Variants in CATSPER3 observed in about 807,000 individuals in gnomAD.
CATSPER3 encodes cation channel sperm-associated protein 3.
In CATSPER3, 23 loss-of-function variants were observed where a neutral mutation model predicts 36.6. That is an observed-to-expected ratio of 0.63 (90% CI 0.45 to 0.89). The LOEUF is 0.89. CATSPER3 is among the 40% of genes least tolerant of loss of function. The pLI, the probability that CATSPER3 is intolerant of heterozygous loss-of-function variation, is 0.00. For missense variants in CATSPER3, 474 were observed against 503.9 expected (o/e 0.94, Z 0.57); for synonymous variants, 172 against 184.1 (o/e 0.93, Z 0.53).
At chr5:134,976,734 C>T (rs1215919095) in intron 2 of CATSPER3, among the ~76,000 whole-genome samples, 1 of 152,260 alleles carries the variant, frequency 6.6e-6, no homozygotes, top group African/African-American at 2.4e-5. Flanking sequence ...TCTGCCTGGA[C>T]ACCTGGGCTT....
intron 2 of CATSPER3, among the ~76,000 whole-genome samples, chr5:134,980,297 CT>C (rs1265800570): frequency 1.3e-5 from 2 of 149,480 alleles, no homozygotes; most frequent in African/African-American, 4.9e-5. Context: ...TCTTCCTTTC[CT>C]TTTTCTCTCC....
At chr5:135,010,206 G>T (rs187008705) in intron 6 of CATSPER3, among the ~76,000 whole-genome samples, 167 bp from the exon 7 acceptor site, 2 of 152,210 alleles carry the variant, frequency 1.3e-5, no homozygotes. Context: ...TCACCCCGGA[G>T]TCCAGGTTCA....
At chr5:134,987,189 T>TA (rs1177956289) in intron 2 of CATSPER3, among the ~76,000 whole-genome samples, 1 of 152,128 alleles carries the variant, frequency 6.6e-6, no homozygotes, top group Non-Finnish European at 1.5e-5. Context: ...CTACTGATCT[T>TA]ATAGAAGCAA....
intron 2 of CATSPER3, among the ~76,000 whole-genome samples, chr5:134,973,611 C>G (rs1413939972): frequency 6.6e-6 from 1 of 152,166 alleles, no homozygotes; most frequent in Admixed American, 6.5e-5. Flanking sequence ...CTATCAAAGA[C>G]TACTGGGGTC....
rs1751908394 is a variant in CATSPER3, at chr5:134,993,587, G to A, written c.253-2686G>A. Among the ~76,000 whole-genome samples, 3 of 152,124 alleles carry A rather than the reference G, an allele frequency of 2.0e-5. No individual in the cohort carries two copies. The South Asian group carries it at 6.2e-4, about 32-fold the overall frequency. ...AAGCCCTAAATTAGGAATTAAAAAG[G>A]GAAGTACAGATACGGTAGATATCAG... is the stretch of plus-strand genomic sequence containing the variant. On this transcript the variant is annotated intron_variant, in intron 2 of 7. Transcript: ENST00000282611.
At chr5:134,984,160 A>G (rs775352003) in intron 2 of CATSPER3, among the ~76,000 whole-genome samples, 10 of 152,214 alleles carry the variant, frequency 6.6e-5, no homozygotes, top group Non-Finnish European at 5.9e-5. Flanking sequence ...ACTTACATCT[A>G]ACACCTGAAA....
At chr5:135,001,414 T>G (rs1752018660) in intron 3 of CATSPER3, among the ~76,000 whole-genome samples, 1 of 152,220 alleles carries the variant, frequency 6.6e-6, no homozygotes, top group Non-Finnish European at 1.5e-5. Flanking sequence ...GAATGTATAT[T>G]CTGTTGATTT....
intron 2 of CATSPER3, among the ~76,000 whole-genome samples, chr5:134,988,590 C>T (rs1434949953): frequency 1.3e-5 from 2 of 152,162 alleles, no homozygotes; most frequent in South Asian, 2.1e-4. Flanking sequence ...CTTTGCTCAC[C>T]CATGAAAAGC....
intron 2 of CATSPER3, among the ~76,000 whole-genome samples, chr5:134,976,287 C>G (rs954694276): frequency 3.3e-5 from 5 of 152,170 alleles, no homozygotes; most frequent in African/African-American, 7.2e-5. Flanking sequence ...CACCTCTGCA[C>G]TCCAGCCTGG....
chr5:135,002,602 A>G (rs1036698896), intron 3 of CATSPER3, among the ~76,000 whole-genome samples: 4 of 152,228 alleles, frequency 2.6e-5, no homozygotes, highest in South Asian at 2.1e-4. Flanking sequence ...AGGTACACCA[A>G]TCAGACATAG....
At position 135,010,325 on chromosome 5, in the gene CATSPER3, G is replaced by A. The variant is rs373002398; in HGVS notation, c.937-48G>A. On this transcript the variant is annotated intron_variant, in intron 6 of 7. Coordinates refer to ENST00000282611, the MANE Select transcript of CATSPER3 (RefSeq NM_178019.3). ...GAGTCTCCATGTCTCTGTGCAGCTC[G>A]GCTGTCACCTCCTCATCACTGCTCT... is the stretch of plus-strand genomic sequence containing the variant. The A allele has an allele frequency of 2.2e-5, 35 of 1,557,960 alleles. No homozygotes were observed. The African/African-American group carries it at 3.5e-4, about 16-fold the overall frequency.
intron 2 of CATSPER3, among the ~76,000 whole-genome samples, chr5:134,986,126 T>C (rs1751805591): frequency 6.6e-6 from 1 of 151,516 alleles, no homozygotes; most frequent in Admixed American, 6.6e-5. Flanking sequence ...TTCAAATATG[T>C]GTAAATTAAA....
chr5:134,979,647 G>A (rs1751724186), intron 2 of CATSPER3, among the ~76,000 whole-genome samples: 1 of 152,234 alleles, frequency 6.6e-6, no homozygotes, highest in African/African-American at 2.4e-5. Flanking sequence ...ATACTGAAGT[G>A]TAGGAAGAAA....
At chr5:134,992,359 G>A (rs375531421) in intron 2 of CATSPER3, among the ~76,000 whole-genome samples, 64 of 152,124 alleles carry the variant, frequency 4.2e-4, no homozygotes, top group East Asian at 2.5e-3. Context: ...ATCACTAGTC[G>A]TTAGGGAAAT....
intron 2 of CATSPER3, among the ~76,000 whole-genome samples, chr5:134,990,891 A>G (rs1189299973): frequency 3.3e-5 from 5 of 152,250 alleles, no homozygotes; most frequent in Non-Finnish European, 7.3e-5. Flanking sequence ...GAGGTATTAA[A>G]CAAATTCAGC....
chr5:134,975,178 C>G (rs1271243975), intron 2 of CATSPER3: 1 of 151,944 alleles, frequency 6.6e-6, no homozygotes, highest in East Asian at 1.9e-4. Flanking sequence ...TATGAAAGCC[C>G]CTGGTTAACT....
chr5:134,980,045 G>A (rs747525441), intron 2 of CATSPER3, among the ~76,000 whole-genome samples: 1 of 150,324 alleles, frequency 6.7e-6, no homozygotes, highest in Non-Finnish European at 1.5e-5. Context: ...GAAGTGACAT[G>A]ATCATAGCTC....
chr5:135,000,764 A>G (rs1256025795), intron 3 of CATSPER3, among the ~76,000 whole-genome samples: 1 of 152,154 alleles, frequency 6.6e-6, no homozygotes, highest in African/African-American at 2.4e-5. Flanking sequence ...ATTGGTGGTG[A>G]TAACCCCTTT....
chr5:134,984,286 G>A (rs1362877463), intron 2 of CATSPER3, among the ~76,000 whole-genome samples: 3 of 152,216 alleles, frequency 2.0e-5, no homozygotes, highest in Non-Finnish European at 2.9e-5. Context: ...AATGGGACCC[G>A]ATTCAACTAA....
Sources: allele counts gnomAD v4.1 joint callset (sites outside exome capture counted in the v4.1 genomes callset), GRCh38; gene constraint gnomAD v4.1.1; transcripts MANE v1.5; gene names NCBI Gene and HGNC (gene_info 2026-07-23, HGNC 2026-07-21).